DMD: variants seen among roughly 807,000 people sequenced by gnomAD.
DMD encodes mutant dystrophin.
Under a neutral mutation model 330.1 loss-of-function variants are expected in DMD, and 63 were observed. The ratio of observed to expected loss-of-function variants is 0.19; its 90% CI spans 0.16 to 0.24. DMD has a LOEUF of 0.24. DMD is among the 10% of genes least tolerant of loss of function. DMD has a pLI of 1.00. For synonymous variants in DMD, 1,223 were observed against 959.8 expected (o/e 1.27, Z -5.07); for missense variants, 3,344 against 2,684.1 (o/e 1.25, Z -5.43).
intron 52 of DMD, among the ~76,000 whole-genome samples, chrX:31,721,718 C>CTCTCTATATATA (rs1227959078): frequency 1.8e-5 from 1 of 56,487 alleles, no homozygotes; most frequent in South Asian, 1.1e-3. Context: ...CTCTCTCTCT[C>CTCTCTATATATA]TATATATATA....
intron 41 of DMD, among the ~76,000 whole-genome samples, chrX:32,335,197 A>G (rs921287498): frequency 1.8e-4 from 20 of 108,285 alleles, no homozygotes; most frequent in African/African-American, 6.8e-4. Flanking sequence ...AATTTATTCA[A>G]TTAAGGACTA....
At chrX:31,203,897 G>C in intron 67 of DMD, 64 bp downstream of exon 67, 1 of 1,056,869 alleles carries the variant, frequency 9.5e-7, no homozygotes, top group East Asian at 3.2e-5. Flanking sequence ...AGCTCTGTGG[G>C]TTTTTTAATT....
chrX:31,505,556 C>T (rs1311405830), intron 56 of DMD, among the ~76,000 whole-genome samples: 2 of 111,729 alleles, frequency 1.8e-5, no homozygotes, highest in African/African-American at 6.5e-5. Context: ...TTCCTTCTTT[C>T]TTTATATGCT....
At chrX:32,771,259 C>T (rs2073566362) in intron 7 of DMD, among the ~76,000 whole-genome samples, 1 of 111,803 alleles carries the variant, frequency 8.9e-6, no homozygotes, top group African/African-American at 3.3e-5. Flanking sequence ...ATTAATATTT[C>T]TATAATTTTG....
At chrX:31,732,576 T>C (rs368381047) in intron 51 of DMD, among the ~76,000 whole-genome samples, 10 of 111,773 alleles carry the variant, frequency 8.9e-5, no homozygotes, top group African/African-American at 3.2e-4. Context: ...CTTAGTTTTA[T>C]AATTCCAGAA....
At chrX:31,679,963 G>C (rs1357545828) in intron 52 of DMD, among the ~76,000 whole-genome samples, 1 of 112,199 alleles carries the variant, frequency 8.9e-6, no homozygotes, top group Non-Finnish European at 1.9e-5. Flanking sequence ...TTGCCTGAAG[G>C]CTTTCTGTTG....
chrX:31,388,052 T>C (rs1056070557), intron 60 of DMD, among the ~76,000 whole-genome samples: 6 of 106,602 alleles, frequency 5.6e-5, no homozygotes, highest in African/African-American at 2.1e-4. Context: ...CAGGCTGGAG[T>C]GCAGTGGCAC....
chrX:31,513,829 C>T (rs1264270873), intron 55 of DMD, among the ~76,000 whole-genome samples: 1 of 111,430 alleles, frequency 9.0e-6, no homozygotes, highest in Non-Finnish European at 1.9e-5. Flanking sequence ...CAACAACCCT[C>T]TAGGGTAGGG....
In DMD at chrX:31,241,566, C is replaced by G. The variant is rs1309409596; in HGVS notation, c.9287-18445G>C. Among the ~76,000 whole-genome samples, 2 of 111,583 alleles carry G rather than the reference C, an allele frequency of 1.8e-5. 1 individual carries two copies. The highest frequency in any genetic ancestry group is 3.8e-5 in the Non-Finnish European group (2 of 53,156). ...TTTCCTCTTTTCCTCAATGGTATCA[C>G]CATTCTCTGTGTCACCACGCCTTCA... On this transcript the variant is annotated intron_variant, in intron 63 of 78. Transcript: ENST00000357033.
chrX:31,865,657 C>T (rs2093784649), intron 48 of DMD, among the ~76,000 whole-genome samples: 2 of 28,587 alleles, frequency 7.0e-5, no homozygotes, highest in African/African-American at 4.5e-4. Context: ...TGACTCCTTA[C>T]CCACGAAAGC....
intron 72 of DMD, 29 bp downstream of exon 72, chrX:31,173,510 A>G (rs2040210918): frequency 2.5e-6 from 3 of 1,187,871 alleles, no homozygotes; most frequent in Non-Finnish European, 3.4e-6. Context: ...TTCAATCAAT[A>G]TTTGCCTGGC....
At chrX:31,267,914 A>C (rs1282847914) in intron 62 of DMD, among the ~76,000 whole-genome samples, 1 of 112,731 alleles carries the variant, frequency 8.9e-6, no homozygotes, top group Non-Finnish European at 1.9e-5. Context: ...ATAAACTGTT[A>C]GTGATATTTT....
intron 38 of DMD, among the ~76,000 whole-genome samples, chrX:32,347,226 A>T: frequency 9.0e-6 from 1 of 111,469 alleles, no homozygotes; most frequent in Non-Finnish European, 1.9e-5. Flanking sequence ...TAGTCTGTAA[A>T]AGACTTTACT....
At chrX:33,222,504 C>T (rs978744684) in intron 1 of DMD, among the ~76,000 whole-genome samples, 1 of 112,364 alleles carries the variant, frequency 8.9e-6, no homozygotes, top group Non-Finnish European at 1.9e-5. Context: ...TGCACACGCT[C>T]ACCACTCTTA....
chrX:32,070,898 A>T (rs1353301086), intron 44 of DMD, among the ~76,000 whole-genome samples: 2 of 111,256 alleles, frequency 1.8e-5, no homozygotes, highest in African/African-American at 6.6e-5. Flanking sequence ...GTGCACCAGG[A>T]TCTCACAAAT....
intron 1 of DMD, among the ~76,000 whole-genome samples, chrX:33,062,125 A>T (rs149316054): frequency 0.015 from 1,697 of 112,140 alleles, 33 homozygotes; most frequent in African/African-American, 0.052. Flanking sequence ...ACACATTTTC[A>T]GTATTGAATA....
intron 52 of DMD, among the ~76,000 whole-genome samples, chrX:31,719,789 T>C (rs1359287967): frequency 1.8e-5 from 2 of 111,017 alleles, no homozygotes; most frequent in African/African-American, 3.3e-5. Flanking sequence ...ATAAGAACAC[T>C]CAAGTAGTCC....
At chrX:31,341,880 C>CGT (rs1412475510) in intron 61 of DMD, among the ~76,000 whole-genome samples, 28 of 67,735 alleles carry the variant, frequency 4.1e-4, no homozygotes, top group East Asian at 9.7e-4. Context: ...TGCGCGCGTG[C>CGT]GTGCGCGCGC....
chrX:31,841,284 G>A (rs1348534562), intron 48 of DMD, among the ~76,000 whole-genome samples: 1 of 111,668 alleles, frequency 9.0e-6, no homozygotes, highest in Non-Finnish European at 1.9e-5. Context: ...GCTGAGAGAG[G>A]TGAGGAAATT....
Sources: allele counts gnomAD v4.1 joint callset (sites outside exome capture counted in the v4.1 genomes callset), GRCh38; gene constraint gnomAD v4.1.1; transcripts MANE v1.5; gene names NCBI Gene and HGNC (gene_info 2026-07-23, HGNC 2026-07-21).